The following DPP10 variants were observed in gnomAD, a reference collection of about 807,000 sequenced individuals.
DPP10 encodes the protein inactive dipeptidyl peptidase 10.
DPP10 carries 33 observed loss-of-function variants against 120.9 expected under a neutral mutation model. The observed-to-expected ratio is 0.27, with a 90% CI of 0.21 to 0.37. DPP10 has a LOEUF of 0.37. Ranked by LOEUF, DPP10 falls within the 10% of genes least tolerant of loss-of-function variation. The pLI is 1.00. For missense variants in DPP10, 816 were observed against 942.8 expected, an observed-to-expected ratio of 0.87 and a Z score of 1.76; for synonymous variants, 337 against 326.1, an observed-to-expected ratio of 1.03 and a Z score of -0.36.
intron 1 of DPP10, among the ~76,000 whole-genome samples, chr2:114,556,234 CATAT>C (rs56772742): frequency 0.065 from 5,671 of 86,780 alleles, 203 homozygotes; most frequent in African/African-American, 0.096. Flanking sequence ...ATAGATGATA[CATAT>C]ATATATATAT....
intron 1 of DPP10, among the ~76,000 whole-genome samples, chr2:115,304,821 A>G (rs542388740): frequency 5.8e-4 from 88 of 152,098 alleles, no homozygotes; most frequent in African/African-American, 2.1e-3. Context: ...TATTCCCAGC[A>G]TTTTTCTCCT....
chr2:115,674,955 T>G (rs916499486), intron 5 of DPP10, among the ~76,000 whole-genome samples: 1 of 152,212 alleles, frequency 6.6e-6, no homozygotes, highest in African/African-American at 2.4e-5. Flanking sequence ...TCATTTTTCA[T>G]AAGTAGCACA....
At chr2:115,786,534 A>C (rs561781575) in intron 17 of DPP10, among the ~76,000 whole-genome samples, 1 of 152,250 alleles carries the variant, frequency 6.6e-6, no homozygotes, top group East Asian at 1.9e-4. Context: ...AGTAAAGAAA[A>C]CTGGACAAAA....
chr2:114,572,404 C>T (rs986376408), intron 1 of DPP10, among the ~76,000 whole-genome samples: 10 of 152,018 alleles, frequency 6.6e-5, no homozygotes, highest in South Asian at 2.1e-4. Context: ...GTGAAGTAGA[C>T]GAAAAGATCG....
At chr2:114,882,643 A>G (rs1255553934) in intron 1 of DPP10, among the ~76,000 whole-genome samples, 1 of 152,106 alleles carries the variant, frequency 6.6e-6, no homozygotes, top group Non-Finnish European at 1.5e-5. Context: ...GAACTTATCC[A>G]TGTAAACAGA....
At chr2:115,683,074 T>A (rs550308323) in intron 5 of DPP10, among the ~76,000 whole-genome samples, 15 of 152,052 alleles carry the variant, frequency 9.9e-5, no homozygotes, top group Admixed American at 8.5e-4. Context: ...GCAAGTTTAT[T>A]TTTATGTTTT....
chr2:114,453,442 T>C (rs971134852), intron 1 of DPP10, among the ~76,000 whole-genome samples: 7 of 152,174 alleles, frequency 4.6e-5, no homozygotes, highest in African/African-American at 1.7e-4. Context: ...TGGACTTTCT[T>C]CTATTTGGGG....
chr2:115,650,815 G>A (rs1227907332), intron 5 of DPP10, among the ~76,000 whole-genome samples: 1 of 151,980 alleles, frequency 6.6e-6, no homozygotes, highest in African/African-American at 2.4e-5. Flanking sequence ...AGGAGGAGGA[G>A]CGGAAAAGGA....
intron 1 of DPP10, among the ~76,000 whole-genome samples, chr2:114,497,933 T>A (rs1682823550): frequency 6.6e-6 from 1 of 152,166 alleles, no homozygotes; most frequent in South Asian, 2.1e-4. Context: ...GAAGGTGTAT[T>A]GTATTCAGTT....
chr2:115,051,559 G>A (rs750023517), intron 1 of DPP10, among the ~76,000 whole-genome samples: 4 of 151,974 alleles, frequency 2.6e-5, no homozygotes, highest in East Asian at 1.9e-4. Context: ...AAATAAATAG[G>A]CATTATAAAA....
chr2:115,737,580 G>A (rs1676715498), intron 8 of DPP10, among the ~76,000 whole-genome samples: 2 of 152,076 alleles, frequency 1.3e-5, no homozygotes, highest in African/African-American at 4.8e-5. Context: ...CATTGCCATT[G>A]GATCTGCTGG....
chr2:114,759,645 G>A (rs1680101954), intron 1 of DPP10, among the ~76,000 whole-genome samples: 1 of 152,108 alleles, frequency 6.6e-6, no homozygotes, highest in East Asian at 1.9e-4. Flanking sequence ...GACAAGGCAA[G>A]TACTTTGGAC....
chr2:115,506,675 T>C (rs532889202), intron 4 of DPP10, among the ~76,000 whole-genome samples: 128 of 152,256 alleles, frequency 8.4e-4, no homozygotes, highest in Non-Finnish European at 1.5e-3. Context: ...TATGTATTTA[T>C]TCATATGTTC....
At chr2:115,720,092 T>A (rs2092607633) in intron 7 of DPP10, among the ~76,000 whole-genome samples, 1 of 152,182 alleles carries the variant, frequency 6.6e-6, no homozygotes, top group Non-Finnish European at 1.5e-5. Context: ...TATGCTCAGC[T>A]TTGGTAAGAA....
At chr2:114,804,778 T>C (rs750527091) in intron 1 of DPP10, among the ~76,000 whole-genome samples, 1 of 152,214 alleles carries the variant, frequency 6.6e-6, no homozygotes, top group African/African-American at 2.4e-5. Context: ...GGACTTGCCT[T>C]GTCTCAGATG....
chr2:115,314,952 C>T (rs563129010), intron 2 of DPP10, among the ~76,000 whole-genome samples: 139 of 152,260 alleles, frequency 9.1e-4, no homozygotes, highest in African/African-American at 3.2e-3. Flanking sequence ...ACAATCAACT[C>T]ATTTAACCCT....
chr2:115,637,259 A>T (rs1176529667), intron 5 of DPP10, among the ~76,000 whole-genome samples: 1 of 152,214 alleles, frequency 6.6e-6, no homozygotes, highest in Non-Finnish European at 1.5e-5. Context: ...TTTTGTGAAG[A>T]GGAAAAATAT....
Position 115,146,423 on chromosome 2 carries a change from A to G in DPP10, c.61-162816A>G, listed in dbSNP as rs150240172. The stretch of plus-strand genomic sequence containing the variant: ...TGTATCATGTATTTCTCTTTGAAGT[A>G]TATTTACAAAATCCCTGTTATTTAT... On this transcript the variant is annotated intron_variant, in intron 1 of 25. Coordinates refer to ENST00000410059, the MANE Select transcript of DPP10 (RefSeq NM_020868.6). Among the ~76,000 whole-genome samples the G allele has an allele frequency of 3.4e-3, 517 of 152,238 alleles. 3 individuals are homozygous for G. The highest frequency in any genetic ancestry group is 0.012 in the African/African-American group (494 of 41,532).
chr2:114,532,629 A>G (rs1352733020), intron 1 of DPP10, among the ~76,000 whole-genome samples: 1 of 152,122 alleles, frequency 6.6e-6, no homozygotes, highest in Non-Finnish European at 1.5e-5. Context: ...GCTTATACTT[A>G]TGATATTATC....
Sources: allele counts gnomAD v4.1 joint callset (sites outside exome capture counted in the v4.1 genomes callset), GRCh38; gene constraint gnomAD v4.1.1; transcripts MANE v1.5; gene names NCBI Gene and HGNC (gene_info 2026-07-23, HGNC 2026-07-21).